The following TMEM116 variants were observed in gnomAD, a reference collection of about 807,000 sequenced individuals.
The protein encoded by TMEM116 is transmembrane protein 116.
Under a neutral mutation model 44.3 loss-of-function variants are expected in TMEM116, and 38 were observed. The observed-to-expected ratio is 0.86, with a 90% CI of 0.66 to 1.12. TMEM116 has a LOEUF of 1.12. Ranked by LOEUF, TMEM116 falls within the 50% of genes most tolerant of loss-of-function variation. TMEM116 has a pLI of 0.00. For missense variants in TMEM116, 354 were observed against 401.7 expected (o/e 0.88, Z 1.01); for synonymous variants, 132 against 144.8 (o/e 0.91, Z 0.64).
At chr12:112,000,626 T>C (rs944529402) in intron 3 of TMEM116, 1 of 381,702 alleles carries the variant, frequency 2.6e-6, no homozygotes, top group African/African-American at 2.1e-5. Context: ...ACTTACTTCC[T>C]GAGCCTCCCA....
chr12:111,983,663 T>A (rs2076072321), intron 4 of TMEM116, among the ~76,000 whole-genome samples: 1 of 152,038 alleles, frequency 6.6e-6, no homozygotes, highest in African/African-American at 2.4e-5. Flanking sequence ...CTATAACTAG[T>A]AAGGAGATTT....
chr12:112,008,640 T>C (rs2077696624), intron 1 of TMEM116, among the ~76,000 whole-genome samples: 1 of 152,146 alleles, frequency 6.6e-6, no homozygotes, highest in Non-Finnish European at 1.5e-5. Flanking sequence ...TTGTAAAATA[T>C]TTTTATTTAA....
intron 4 of TMEM116, among the ~76,000 whole-genome samples, chr12:111,951,477 C>T (rs1035375492): frequency 6.6e-6 from 1 of 152,038 alleles, no homozygotes; most frequent in Non-Finnish European, 1.5e-5. Context: ...CATGGAATAC[C>T]ATACAGTCAT....
Position 111,945,452 on chromosome 12 carries a change from C to CT in TMEM116, c.211-2084_211-2083insA, listed in dbSNP as rs1216332303. Among the ~76,000 whole-genome samples, 12 of 151,140 alleles carry CT rather than the reference C, an allele frequency of 7.9e-5. No individual in the cohort carries two copies. In the East Asian group the frequency reaches 2.1e-3, roughly 27 times the overall value. On this transcript the variant is annotated intron_variant, in intron 4 of 10. Transcript: ENST00000552374. ...ATCTGTTAGATTTTTTTTCAGCCCTCATAGCAGATACATAAGCATTCTAAA... is the reference window on the plus strand; with the variant it reads ...ATCTGTTAGATTTTTTTTCAGCCCTCTATAGCAGATACATAAGCATTCTAAA...
Position 111,935,613 on chromosome 12 carries a change from C to CGTGTGTGTGTGTGTGTGTGTGTGT in TMEM116, c.588+1055_588+1078dup, listed in dbSNP as rs35906022. 4.2e-5 allele frequency: 5 copies of CGTGTGTGTGTGTGTGTGTGTGTGT among 120,390 alleles called. 1 individual carries two copies. In the East Asian group the frequency reaches 1.5e-3, roughly 36 times the overall value. The allele number at this position is 120,390 out of a possible 1,614,324, so 7.5% of individuals were successfully genotyped here. The stretch of plus-strand genomic sequence containing the variant: ...CCTGTTGATTTGAACTGAGCCATCT[C>CGTGTGTGTGTGTGTGTGTGTGTGT]GTGTGTGTGTGTGTGTGTGTGTGTG... On this transcript the variant is annotated intron_variant, in intron 8 of 10. Coordinates refer to ENST00000552374, the MANE Select transcript of TMEM116 (RefSeq NM_001193531.2).
intron 4 of TMEM116, among the ~76,000 whole-genome samples, chr12:111,956,585 C>T (rs898006958): frequency 6.6e-5 from 10 of 152,192 alleles, no homozygotes; most frequent in African/African-American, 1.9e-4. Flanking sequence ...ACTATACTGC[C>T]GCCATCTCGG....
intron 4 of TMEM116, among the ~76,000 whole-genome samples, chr12:111,957,901 A>G (rs948547444): frequency 3.9e-5 from 6 of 152,238 alleles, no homozygotes; most frequent in Admixed American, 2.0e-4. Context: ...AGAAGTAGAC[A>G]TAGGAGACTC....
At chr12:111,976,082 C>T (rs1375069001) in intron 4 of TMEM116, among the ~76,000 whole-genome samples, 5 of 151,998 alleles carry the variant, frequency 3.3e-5, no homozygotes, top group Non-Finnish European at 5.9e-5. Context: ...GATCTTGGCT[C>T]ACTGCAACCT....
At chr12:111,959,145 A>T (rs2074386026) in intron 4 of TMEM116, among the ~76,000 whole-genome samples, 2 of 152,236 alleles carry the variant, frequency 1.3e-5, no homozygotes, top group Non-Finnish European at 2.9e-5. Flanking sequence ...CTAACAGTAG[A>T]TCTCTCTGCA....
intron 4 of TMEM116, among the ~76,000 whole-genome samples, chr12:111,962,995 G>C (rs2074704801): frequency 6.6e-6 from 1 of 152,050 alleles, no homozygotes; most frequent in Non-Finnish European, 1.5e-5. Flanking sequence ...TCAAAAAGTG[G>C]GCAAAGGATA....
chr12:111,983,147 A>T (rs2076038368), intron 4 of TMEM116, among the ~76,000 whole-genome samples: 1 of 151,886 alleles, frequency 6.6e-6, no homozygotes, highest in Admixed American at 6.6e-5. Context: ...AAAAAAAAAA[A>T]TTAGCTGGGG....
intron 4 of TMEM116, among the ~76,000 whole-genome samples, chr12:111,990,143 T>C (rs1354810173): frequency 6.6e-6 from 1 of 151,600 alleles, no homozygotes; most frequent in Non-Finnish European, 1.5e-5. Flanking sequence ...TAGTCCCAGC[T>C]ACTTGAGAGG....
chr12:111,977,918 A>G (rs1404652104), intron 4 of TMEM116, among the ~76,000 whole-genome samples: 1 of 152,060 alleles, frequency 6.6e-6, no homozygotes, highest in Non-Finnish European at 1.5e-5. Context: ...TATAATTGAT[A>G]TGCTAAGAAA....
At chr12:111,987,395 C>A (rs902499492) in intron 4 of TMEM116, among the ~76,000 whole-genome samples, 2 of 151,798 alleles carry the variant, frequency 1.3e-5, no homozygotes, top group Non-Finnish European at 2.9e-5. Context: ...ATCCCAACTA[C>A]TCAGGAGTCT....
At chr12:111,986,940 A>G (rs2076260815) in intron 4 of TMEM116, among the ~76,000 whole-genome samples, 1 of 152,246 alleles carries the variant, frequency 6.6e-6, no homozygotes, top group South Asian at 2.1e-4. Context: ...TAAAACTATA[A>G]AACTCTTAAA....
At chr12:111,991,958 C>G in intron 3 of TMEM116, 69 bp from the exon 4 acceptor site, 4 of 1,438,976 alleles carry the variant, frequency 2.8e-6, no homozygotes, top group Non-Finnish European at 3.7e-6. Flanking sequence ...TGTAACAGTT[C>G]TTACATTTTA....
intron 4 of TMEM116, among the ~76,000 whole-genome samples, chr12:111,975,632 A>G (rs2136488355): frequency 6.6e-6 from 1 of 152,330 alleles, no homozygotes; most frequent in East Asian, 1.9e-4. Context: ...CAATGAGCAA[A>G]GAGCTTAGAA....
intron 1 of TMEM116, 33 bp downstream of exon 1, chr12:112,012,967 TGA>T (rs1373200818): frequency 1.9e-5 from 3 of 155,588 alleles, no homozygotes; most frequent in Admixed American, 6.5e-5. Flanking sequence ...GGAGCCTGAC[TGA>T]GAATAACGGC....
Position 112,003,788 on chromosome 12 carries a change from G to A in TMEM116, c.78+12C>T. The A allele has an allele frequency of 6.6e-7, 1 of 1,508,716 alleles. No individual in the cohort carries two copies. The highest frequency in any genetic ancestry group is 8.8e-7 in the Non-Finnish European group (1 of 1,139,286). 93.5% of individuals were successfully genotyped at this position (1,508,716 alleles called of 1,614,324 possible). ...AAAAAGTTCAAATCCAACACAAAGA[G>A]AAATCACTCACCTCTGGAGATTTCT... On this transcript the variant is annotated intron_variant, in intron 3 of 10. Transcript: ENST00000552374.
Sources: allele counts gnomAD v4.1 joint callset (sites outside exome capture counted in the v4.1 genomes callset), GRCh38; gene constraint gnomAD v4.1.1; transcripts MANE v1.5; gene names NCBI Gene and HGNC (gene_info 2026-07-23, HGNC 2026-07-21).